ARHGAP15: variants seen among roughly 807,000 people sequenced by gnomAD.
ARHGAP15 encodes the protein Rho GTPase activating protein 15.
Under a neutral mutation model 63.7 loss-of-function variants are expected in ARHGAP15, and 51 were observed. The ratio of observed to expected loss-of-function variants is 0.80; its 90% CI spans 0.64 to 1.01. The LOEUF (loss-of-function observed/expected upper bound fraction) is 1.01. Ranked by LOEUF, ARHGAP15 falls within the 50% of genes least tolerant of loss-of-function variation. The pLI, the probability that ARHGAP15 is intolerant of heterozygous loss-of-function variation, is 0.00. For missense variants in ARHGAP15, 560 were observed against 564.6 expected, an observed-to-expected ratio of 0.99 and a Z score of 0.08; for synonymous variants, 191 against 193.8, an observed-to-expected ratio of 0.99 and a Z score of 0.12.
intron 2 of ARHGAP15, among the ~76,000 whole-genome samples, chr2:143,187,835 C>G (rs1691509491): frequency 6.6e-6 from 1 of 152,098 alleles, no homozygotes; most frequent in Non-Finnish European, 1.5e-5. Flanking sequence ...ATAGCCTGGT[C>G]CCTTTCTCTT....
chr2:143,252,361 C>A (rs1680198659), intron 6 of ARHGAP15, among the ~76,000 whole-genome samples: 1 of 152,010 alleles, frequency 6.6e-6, no homozygotes, highest in African/African-American at 2.4e-5. Flanking sequence ...GACTAATCAC[C>A]TCCTGTTGCA....
chr2:143,341,419 T>A (rs2105287257), intron 6 of ARHGAP15, among the ~76,000 whole-genome samples: 2 of 152,280 alleles, frequency 1.3e-5, no homozygotes, highest in South Asian at 4.1e-4. Flanking sequence ...TCTGGCAATG[T>A]GTGAGGTTTC....
intron 6 of ARHGAP15, among the ~76,000 whole-genome samples, chr2:143,293,100 G>A (rs1682481420): frequency 6.6e-6 from 1 of 152,016 alleles, no homozygotes; most frequent in South Asian, 2.1e-4. Flanking sequence ...AAGCTCCAGT[G>A]TCTAAAGTCT....
chr2:143,696,369 GATATATAATAT>G (rs1683846141), intron 12 of ARHGAP15, among the ~76,000 whole-genome samples: 1 of 149,352 alleles, frequency 6.7e-6, no homozygotes, highest in South Asian at 2.1e-4. Flanking sequence ...ATATAAGATA[GATATATAATAT>G]ATATATAATT....
At chr2:143,539,044 C>T (rs999688125) in intron 10 of ARHGAP15, among the ~76,000 whole-genome samples, 2 of 152,258 alleles carry the variant, frequency 1.3e-5, no homozygotes, top group Non-Finnish European at 2.9e-5. Context: ...TTAATTATTG[C>T]CTCAATTTCA....
intron 11 of ARHGAP15, among the ~76,000 whole-genome samples, chr2:143,592,952 C>T (rs1241716488): frequency 1.3e-5 from 2 of 152,106 alleles, no homozygotes; most frequent in African/African-American, 2.4e-5. Context: ...CCACTGGCAC[C>T]GTTGTTCAAG....
At chr2:143,736,073 T>C (rs1685732541) in intron 13 of ARHGAP15, among the ~76,000 whole-genome samples, 1 of 152,096 alleles carries the variant, frequency 6.6e-6, no homozygotes, top group Non-Finnish European at 1.5e-5. Context: ...CAAGAATAAG[T>C]AAGCCAGGTC....
chr2:143,746,702 T>C (rs1431844703), intron 13 of ARHGAP15, among the ~76,000 whole-genome samples: 1 of 152,148 alleles, frequency 6.6e-6, no homozygotes, highest in African/African-American at 2.4e-5. Context: ...GAGTAAAACA[T>C]ATGTGAATGA....
intron 6 of ARHGAP15, among the ~76,000 whole-genome samples, chr2:143,433,136 A>G (rs148261471): frequency 0.017 from 2,651 of 152,210 alleles, 261 homozygotes; most frequent in Admixed American, 0.16. Context: ...TTCAAAGTGC[A>G]AATATGATTC....
intron 2 of ARHGAP15, among the ~76,000 whole-genome samples, chr2:143,167,844 T>A (rs1469866428): frequency 1.3e-5 from 2 of 152,134 alleles, no homozygotes; most frequent in African/African-American, 4.8e-5. Flanking sequence ...TTTAATAGTT[T>A]GAATTTGAAA....
rs576778329 is a variant in ARHGAP15 at position 143,459,138 on chromosome 2, C to A, written c.703+22096C>A. On this transcript the variant is annotated intron_variant, in intron 8 of 13. Transcript: ENST00000295095. ...ACATTTAATAGATTAACAAGGGATG[C>A]CAGATTAAGACTTGAAAACTTTAAG... Among the ~76,000 whole-genome samples the A allele has an allele frequency of 2.0e-5, 3 of 152,064 alleles. No homozygotes were observed. The South Asian group carries it at 6.2e-4, about 32-fold the overall frequency.
intron 8 of ARHGAP15, among the ~76,000 whole-genome samples, chr2:143,442,430 C>T (rs1689928756): frequency 6.6e-6 from 1 of 152,072 alleles, no homozygotes; most frequent in African/African-American, 2.4e-5. Flanking sequence ...TCTAGATCCC[C>T]ACTTCTGTAC....
intron 8 of ARHGAP15, among the ~76,000 whole-genome samples, chr2:143,445,454 C>T (rs1402849594): frequency 6.6e-6 from 1 of 152,084 alleles, no homozygotes; most frequent in African/African-American, 2.4e-5. Context: ...AGCCGCTGCA[C>T]CCAGCCAGAT....
chr2:143,566,233 C>T (rs1696216766), intron 11 of ARHGAP15, among the ~76,000 whole-genome samples: 1 of 151,992 alleles, frequency 6.6e-6, no homozygotes, highest in African/African-American at 2.4e-5. Flanking sequence ...GTGTATGGAC[C>T]CACTGGAGAG....
chr2:143,701,065 T>C (rs548006891), intron 12 of ARHGAP15, among the ~76,000 whole-genome samples: 3 of 152,162 alleles, frequency 2.0e-5, no homozygotes, highest in East Asian at 1.9e-4. Context: ...GGAACTCTTC[T>C]AAGAATAACT....
chr2:143,614,761 C>T (rs1698392925), intron 11 of ARHGAP15, among the ~76,000 whole-genome samples: 1 of 151,952 alleles, frequency 6.6e-6, no homozygotes, highest in African/African-American at 2.4e-5. Context: ...TTAGGCATGC[C>T]CCAGGAGTGA....
At chr2:143,340,132 A>G (rs1684992608) in intron 6 of ARHGAP15, among the ~76,000 whole-genome samples, 2 of 152,204 alleles carry the variant, frequency 1.3e-5, no homozygotes, top group South Asian at 2.1e-4. Flanking sequence ...ATTTCATTTA[A>G]GAGAGGGACA....
chr2:143,377,421 G>GA (rs1686863242), intron 6 of ARHGAP15, among the ~76,000 whole-genome samples: 2 of 151,422 alleles, frequency 1.3e-5, no homozygotes, highest in African/African-American at 4.8e-5. Context: ...CAGAAAAATT[G>GA]AAAAAATAAA....
chr2:143,284,810 ATTC>A (rs1430328016), intron 6 of ARHGAP15, among the ~76,000 whole-genome samples: 1 of 152,224 alleles, frequency 6.6e-6, no homozygotes, highest in South Asian at 2.1e-4. Context: ...GCCTCAGGTT[ATTC>A]TTCTTTCCTT....
Sources: gnomAD v4.1 joint callset for allele counts (sites outside exome capture counted in the v4.1 genomes callset) on GRCh38, gnomAD v4.1.1 for gene constraint, MANE v1.5 for transcripts, NCBI Gene and HGNC (gene_info 2026-07-23, HGNC 2026-07-21) for gene names.